ZSWIM6: variants seen among roughly 807,000 people sequenced by gnomAD.
ZSWIM6 encodes zinc finger SWIM domain-containing protein 6.
Under a neutral mutation model 113.2 loss-of-function variants are expected in ZSWIM6, and 9 were observed. The observed-to-expected ratio is 0.08, with a 90% CI of 0.05 to 0.14. The LOEUF (loss-of-function observed/expected upper bound fraction) is 0.14, where lower values mean the gene tolerates loss of function less well. Ranked by LOEUF, ZSWIM6 falls within the 10% of genes least tolerant of loss-of-function variation. The pLI, the probability that ZSWIM6 is intolerant of heterozygous loss-of-function variation, is 1.00. For missense variants in ZSWIM6, 1,162 were observed against 1,552.2 expected (o/e 0.75, Z 4.22); for synonymous variants, 611 against 606.5 (o/e 1.01, Z -0.11).
At chr5:61,448,779 A>G (rs1747022254) in intron 1 of ZSWIM6, among the ~76,000 whole-genome samples, 1 of 152,206 alleles carries the variant, frequency 6.6e-6, no homozygotes. Context: ...AGCATGTTTT[A>G]GGAATGAAGA....
intron 1 of ZSWIM6, among the ~76,000 whole-genome samples, chr5:61,396,041 A>G (rs1301728381): frequency 2.0e-5 from 3 of 152,174 alleles, no homozygotes; most frequent in Admixed American, 1.3e-4. Context: ...GAGATTGGAA[A>G]GTACAGTCTG....
intron 9 of ZSWIM6, among the ~76,000 whole-genome samples, chr5:61,532,174 C>T (rs766234944): frequency 4.0e-4 from 61 of 152,120 alleles, no homozygotes; most frequent in Non-Finnish European, 7.8e-4. Flanking sequence ...ATGTGTCATA[C>T]GCACACGCTA....
At chr5:61,491,477 A>G (rs947512971) in intron 3 of ZSWIM6, among the ~76,000 whole-genome samples, 2 of 152,004 alleles carry the variant, frequency 1.3e-5, no homozygotes, top group African/African-American at 2.4e-5. Flanking sequence ...TAATAATAAC[A>G]TATCTCCTAA....
intron 1 of ZSWIM6, among the ~76,000 whole-genome samples, chr5:61,463,365 A>G (rs927054123): frequency 3.5e-4 from 53 of 152,188 alleles, no homozygotes; most frequent in African/African-American, 1.3e-3. Context: ...TCCATTTACT[A>G]TGTTTGCTCA....
chr5:61,495,923 A>G (rs1434305917), intron 4 of ZSWIM6, among the ~76,000 whole-genome samples: 1 of 152,106 alleles, frequency 6.6e-6, no homozygotes, highest in Non-Finnish European at 1.5e-5. Context: ...ACTTAGAGAG[A>G]CTTAGAATTA....
At chr5:61,435,949 C>T (rs1056485035) in intron 1 of ZSWIM6, among the ~76,000 whole-genome samples, 1 of 152,166 alleles carries the variant, frequency 6.6e-6, no homozygotes, top group African/African-American at 2.4e-5. Context: ...CGCCTATAAT[C>T]CCAGCACTTT....
intron 4 of ZSWIM6, among the ~76,000 whole-genome samples, chr5:61,499,528 G>C (rs1307668829): frequency 3.3e-5 from 5 of 152,174 alleles, no homozygotes; most frequent in Non-Finnish European, 7.3e-5. Flanking sequence ...GGAGAACTTT[G>C]ATAGAGTAAT....
At position 61,521,447 on chromosome 5, in the gene ZSWIM6, G is replaced by T; in HGVS notation, c.1513+5G>T. 6.9e-7 allele frequency: 1 copy of T among 1,456,460 alleles called. No homozygotes were observed. Among genetic ancestry groups the T allele is most frequent in the East Asian group, 2.9e-5 (1 of 35,048 alleles). The allele number at this position is 1,456,460 out of a possible 1,614,324, so 90.2% of individuals were successfully genotyped here. ...AGGGTGCAAATGCCAACCAAGGTGA[G>T]TCTACCATAATGTTCTGCTTAAATT... On this transcript the variant is annotated splice_donor_5th_base_variant and intron_variant, in intron 5 of 13. Coordinates refer to ENST00000252744, the MANE Select transcript of ZSWIM6 (RefSeq NM_020928.2).
chr5:61,384,873 T>A (rs367739254), intron 1 of ZSWIM6, among the ~76,000 whole-genome samples: 22 of 152,170 alleles, frequency 1.4e-4, no homozygotes, highest in South Asian at 2.1e-4. Context: ...CTGGCTAACA[T>A]GGTGAAATCC....
At chr5:61,524,895 G>C (rs1279195852) in intron 5 of ZSWIM6, among the ~76,000 whole-genome samples, 1 of 152,238 alleles carries the variant, frequency 6.6e-6, no homozygotes, top group Non-Finnish European at 1.5e-5. Flanking sequence ...AGTTTAGAGT[G>C]GGAACCCAAG....
intron 2 of ZSWIM6, among the ~76,000 whole-genome samples, chr5:61,481,760 C>G (rs886794235): frequency 1.3e-5 from 2 of 151,956 alleles, no homozygotes; most frequent in Admixed American, 6.6e-5. Context: ...CATTACATTA[C>G]CAAGGTAGGC....
intron 1 of ZSWIM6, among the ~76,000 whole-genome samples, chr5:61,409,761 G>A (rs1204335922): frequency 6.6e-6 from 1 of 152,156 alleles, no homozygotes; most frequent in Non-Finnish European, 1.5e-5. Context: ...AGGGATATGT[G>A]GGATGGTGAG....
At chr5:61,362,815 C>T (rs1417369660) in intron 1 of ZSWIM6, among the ~76,000 whole-genome samples, 1 of 152,186 alleles carries the variant, frequency 6.6e-6, no homozygotes, top group African/African-American at 2.4e-5. Flanking sequence ...GTCTGGCAGG[C>T]ATTTCAAGCC....
At chr5:61,445,398 CTA>C (rs996853712) in intron 1 of ZSWIM6, among the ~76,000 whole-genome samples, 1 of 152,154 alleles carries the variant, frequency 6.6e-6, no homozygotes, top group Non-Finnish European at 1.5e-5. Flanking sequence ...GTACTGACAA[CTA>C]TTTAGGTAAC....
At chr5:61,540,910 T>C (rs1749710624) in intron 12 of ZSWIM6, among the ~76,000 whole-genome samples, 1 of 140,824 alleles carries the variant, frequency 7.1e-6, no homozygotes, top group Admixed American at 7.4e-5. Flanking sequence ...CCTGGATATT[T>C]TGTGGGTTTT....
At chr5:61,395,520 TTTAA>T (rs1236054361) in intron 1 of ZSWIM6, among the ~76,000 whole-genome samples, 1 of 152,144 alleles carries the variant, frequency 6.6e-6, no homozygotes, top group East Asian at 1.9e-4. Flanking sequence ...AAATCAACGG[TTTAA>T]TTGATTAAAT....
intron 1 of ZSWIM6, among the ~76,000 whole-genome samples, chr5:61,464,467 A>C (rs753481952): frequency 3.9e-5 from 6 of 152,106 alleles, no homozygotes; most frequent in Non-Finnish European, 8.8e-5. Flanking sequence ...AGAGAACATC[A>C]GTTTCTTCAC....
Position 61,543,515 on chromosome 5 carries a change from C to T in ZSWIM6, c.2846C>T (p.Ala949Val). 6.4e-7 allele frequency: 1 copy of T among 1,551,626 alleles called. No individual in the cohort carries two copies. Among genetic ancestry groups the T allele is most frequent in the Non-Finnish European group, 8.7e-7 (1 of 1,147,008 alleles). Residue 949 changes from alanine to valine, a missense_variant, in exon 14 of 14, where the codon GCC (alanine) becomes GTC (valine). Around this residue, in one of 4 missense-constraint regions of ZSWIM6, gnomAD observed 620 missense variants for 804.6 expected, o/e 0.77. Transcript: ENST00000252744. The surrounding 1 kb of genome is among the most constrained non-coding windows in gnomAD (Gnocchi z 4.3). Reference sequence around the variant, plus strand: ...TTTACACTCTTTACTCCCACCGAGGCCACAAGTATAGTTGCAACTACCGTG... The same window carrying T: ...TTTACACTCTTTACTCCCACCGAGGTCACAAGTATAGTTGCAACTACCGTG... ...TWFTLFTPTE[A>V]TSIVATTVMS...
chr5:61,382,816 A>AAAAGAAAGAAAGAAAGAAAGAAAG (rs57053318), intron 1 of ZSWIM6, among the ~76,000 whole-genome samples: 1 of 150,128 alleles, frequency 6.7e-6, no homozygotes, highest in Non-Finnish European at 1.5e-5. Flanking sequence ...AAATAAAAAA[A>AAAAGAAAGAAAGAAAGAAAGAAAG]AAAGAAAGAA....
Sources: gnomAD v4.1 joint callset for allele counts (sites outside exome capture counted in the v4.1 genomes callset) on GRCh38, gnomAD v4.1.1 for gene constraint, gnomAD v4.1.1 regional missense constraint, Gnocchi (gnomAD v3.1) non-coding constraint, MANE v1.5 for transcripts, NCBI Gene and HGNC (gene_info 2026-07-23, HGNC 2026-07-21) for gene names.